PDS5B: variants seen among roughly 807,000 people sequenced by gnomAD.
The protein encoded by PDS5B is sister chromatid cohesion protein PDS5 homolog B.
A neutral mutation model predicts 184.1 loss-of-function variants in PDS5B; 51 were observed. The ratio of observed to expected loss-of-function variants is 0.28; its 90% confidence interval spans 0.22 to 0.35. The LOEUF is 0.35. Among genes scored for constraint, PDS5B ranks in the 10% least tolerant of loss-of-function variants. The pLI, the probability that PDS5B is intolerant of heterozygous loss-of-function variation, is 1.00. For missense variants in PDS5B, 1,180 were observed against 1,723.3 expected, an observed-to-expected ratio of 0.68 and a Z score of 5.58; for synonymous variants, 566 against 569.2, an observed-to-expected ratio of 0.99 and a Z score of 0.08.
chr13:32,766,872 A>G (rs1954603220), intron 31 of PDS5B, among the ~76,000 whole-genome samples: 1 of 152,200 alleles, frequency 6.6e-6, no homozygotes, highest in Non-Finnish European at 1.5e-5. Flanking sequence ...GCTTAAAGGA[A>G]ATCATCTACC....
chr13:32,631,800 A>C (rs1057283048), intron 1 of PDS5B, among the ~76,000 whole-genome samples: 1 of 152,206 alleles, frequency 6.6e-6, no homozygotes, highest in Non-Finnish European at 1.5e-5. Flanking sequence ...TACAACATGA[A>C]TTGAGCACCT....
intron 19 of PDS5B, among the ~76,000 whole-genome samples, chr13:32,712,422 A>G (rs1162485566): frequency 6.6e-6 from 1 of 152,236 alleles, no homozygotes; most frequent in Non-Finnish European, 1.5e-5. Flanking sequence ...GAGATAAACT[A>G]TGTATGTAGA....
intron 13 of PDS5B, among the ~76,000 whole-genome samples, chr13:32,692,873 A>G (rs1951595751): frequency 6.8e-6 from 1 of 146,740 alleles, no homozygotes; most frequent in Admixed American, 6.9e-5. Context: ...ATGTTATAAT[A>G]CAAGTTCTTA....
chr13:32,767,752 T>C (rs1954629860), intron 31 of PDS5B, among the ~76,000 whole-genome samples: 3 of 152,104 alleles, frequency 2.0e-5, no homozygotes, highest in Admixed American at 1.3e-4. Flanking sequence ...TGTTCTTGTA[T>C]AGGAGAAAGG....
intron 29 of PDS5B, among the ~76,000 whole-genome samples, chr13:32,760,145 C>T (rs879496418): frequency 3.3e-5 from 5 of 152,034 alleles, no homozygotes; most frequent in East Asian, 1.9e-4. Context: ...TTAGTAGAGA[C>T]GGGGTTTCAC....
chr13:32,762,940 C>T (rs1316463876), intron 30 of PDS5B, among the ~76,000 whole-genome samples: 1 of 152,138 alleles, frequency 6.6e-6, no homozygotes, highest in Non-Finnish European at 1.5e-5. Context: ...AGTATAATTT[C>T]ACCCTCTCCT....
chr13:32,690,395 T>A (rs911551648), intron 13 of PDS5B: 2 of 152,240 alleles, frequency 1.3e-5, no homozygotes, highest in African/African-American at 4.8e-5. Flanking sequence ...TCCTATCAGA[T>A]AACAGCATGT....
chr13:32,775,235 G>A lies in PDS5B; in HGVS notation c.*183G>A, dbSNP rs148786423. 20 of 591,300 alleles carry A rather than the reference G, an allele frequency of 3.4e-5. No individual in the cohort carries two copies. The highest frequency in any genetic ancestry group is 2.6e-4 in the African/African-American group (14 of 53,636). The allele number at this position is 591,300 out of a possible 1,614,324, so 36.6% of individuals were successfully genotyped here. The stretch of plus-strand genomic sequence containing the variant: ...GTCACATGCTTTAGCCATACACATG[G>A]TAACATTGACTATGGAGTCTTGTGA... On this transcript the variant is annotated 3_prime_UTR_variant, in exon 35 of 35. Transcript: ENST00000315596.
At chr13:32,699,195 CAA>C (rs1257162130) in intron 15 of PDS5B, among the ~76,000 whole-genome samples, 3 of 152,252 alleles carry the variant, frequency 2.0e-5, no homozygotes, top group African/African-American at 7.2e-5. Flanking sequence ...TTTGATTCTG[CAA>C]AGACTCATTC....
At chr13:32,596,258 A>T (rs900266555) in intron 1 of PDS5B, among the ~76,000 whole-genome samples, 1 of 152,186 alleles carries the variant, frequency 6.6e-6, no homozygotes, top group African/African-American at 2.4e-5. Context: ...TGATTTTTAA[A>T]TGTAGATTAG....
In PDS5B at chr13:32,770,464, C is replaced by T. The variant is rs1316449459; in HGVS notation, c.3968C>T (p.Ala1323Val). 4 of 1,612,790 alleles carry T rather than the reference C, an allele frequency of 2.5e-6. No individual in the cohort carries two copies. The South Asian group carries it at 3.3e-5, about 13-fold the overall frequency. ...AGCAAAAAAAAATCTGGACCTCCAG[C>T]ACCAGAGGAGGAGGAAGAAGAAGAA... The part of the protein sequence containing the change: ...KGSKKKSGPP[A>V]PEEEEEEERQ... The change falls in exon 32 of 35, where the codon GCA (alanine) becomes GTA (valine). Residue 1323 changes from alanine (A) to valine (V), a missense_variant. Ala to Val is a moderately conservative substitution (Grantham distance 64, BLOSUM62 0). This residue lies in a region of PDS5B where 465 missense variants were observed against 497.8 expected (regional missense o/e 0.93). Transcript: ENST00000315596.
At chr13:32,603,704 A>T (rs558918599) in intron 1 of PDS5B, among the ~76,000 whole-genome samples, 2 of 152,262 alleles carry the variant, frequency 1.3e-5, no homozygotes, top group African/African-American at 4.8e-5. Flanking sequence ...CCATTTTCAC[A>T]GTATTGATTC....
At chr13:32,742,977 G>A (rs974226665) in intron 23 of PDS5B, among the ~76,000 whole-genome samples, 23 of 150,408 alleles carry the variant, frequency 1.5e-4, no homozygotes, top group Admixed American at 4.7e-4. Flanking sequence ...AGAATATCTC[G>A]TATGAAAGTG....
chr13:32,603,431 T>C (rs28881778), intron 1 of PDS5B, among the ~76,000 whole-genome samples: 51,142 of 151,690 alleles, frequency 0.34, 8,793 homozygotes, highest in Non-Finnish European at 0.37. Context: ...TTTCTGAAGG[T>C]TCTTTTCTGT....
At chr13:32,716,187 C>T (rs1004799244) in intron 19 of PDS5B, among the ~76,000 whole-genome samples, 3 of 50 alleles carry the variant, frequency 0.06, no homozygotes, top group Non-Finnish European at 0.1. Flanking sequence ...GCGTCTCTGC[C>T]CGGCGTGCCA....
chr13:32,676,043 G>C, intron 9 of PDS5B, 84 bp downstream of exon 9: 1 of 696,658 alleles, frequency 1.4e-6, no homozygotes. Context: ...CATTTAAACT[G>C]TGTTCTCTGG....
chr13:32,669,364 T>C (rs1950876442), intron 7 of PDS5B, among the ~76,000 whole-genome samples: 1 of 151,930 alleles, frequency 6.6e-6, no homozygotes, highest in African/African-American at 2.4e-5. Flanking sequence ...AAAAGAACGC[T>C]ATACTGTATT....
At position 32,729,149 on chromosome 13, in the gene PDS5B, A is replaced by G. The variant is rs1453723386; in HGVS notation, c.2124-2952A>G. On this transcript the variant is annotated intron_variant, in intron 19 of 34. Transcript: ENST00000315596. ...GTGTGATGTTCCCCTCCCTGTGTCC[A>G]TGTGTTCTCATTGTTCAACTTCCAC... is the stretch of plus-strand genomic sequence containing the variant. Among the ~76,000 whole-genome samples the G allele has an allele frequency of 5.3e-5, 8 of 151,080 alleles. No individual in the cohort carries two copies. In the South Asian group the frequency reaches 1.3e-3, roughly 24 times the overall value.
chr13:32,618,028 C>T (rs1160395362), intron 1 of PDS5B, among the ~76,000 whole-genome samples: 1 of 152,164 alleles, frequency 6.6e-6, no homozygotes, highest in Non-Finnish European at 1.5e-5. Context: ...GTGAATGATG[C>T]TGTGTTCTCA....
Sources: allele counts gnomAD v4.1 joint callset (sites outside exome capture counted in the v4.1 genomes callset), GRCh38; gene constraint gnomAD v4.1.1; regional missense constraint gnomAD v4.1.1; transcripts MANE v1.5; gene names NCBI Gene and HGNC (gene_info 2026-07-23, HGNC 2026-07-21).